Variants in PTBP3 observed in about 807,000 individuals in gnomAD.
PTBP3 encodes the protein polypyrimidine tract-binding protein 3.
Under a neutral mutation model 58.7 loss-of-function variants are expected in PTBP3, and 20 were observed. The observed-to-expected ratio is 0.34, with a 90% CI of 0.24 to 0.50. PTBP3 has a LOEUF of 0.50. PTBP3 is among the 20% of genes least tolerant of loss of function. PTBP3 has a pLI of 0.98. For synonymous variants in PTBP3, 185 were observed against 219.8 expected, an observed-to-expected ratio of 0.84 and a Z score of 1.40; for missense variants, 509 against 637.2, an observed-to-expected ratio of 0.80 and a Z score of 2.17.
chr9:112,275,799 C>CTGATT (rs1181970684), intron 3 of PTBP3, 45 bp downstream of exon 3: 1 of 1,478,696 alleles, frequency 6.8e-7, no homozygotes, highest in Non-Finnish European at 9.3e-7. Flanking sequence ...GTAATACTAA[C>CTGATT]ATCTGGAGAT....
chr9:112,291,026 A>C (rs1398151830), intron 2 of PTBP3, among the ~76,000 whole-genome samples: 1 of 152,152 alleles, frequency 6.6e-6, no homozygotes, highest in African/African-American at 2.4e-5. Context: ...GTTTGAGACC[A>C]GCCTGGCCAA....
intron 2 of PTBP3, among the ~76,000 whole-genome samples, chr9:112,292,466 T>G (rs1265763716): frequency 6.6e-6 from 1 of 152,188 alleles, no homozygotes; most frequent in Non-Finnish European, 1.5e-5. Context: ...CAAAGAGATA[T>G]CTGCACACCA....
intron 1 of PTBP3, among the ~76,000 whole-genome samples, chr9:112,319,130 G>GAAAAAA (rs1436224750): frequency 3.4e-5 from 1 of 29,460 alleles, no homozygotes; most frequent in African/African-American, 9.1e-5. Context: ...TCCGTCTCAA[G>GAAAAAA]AAAAAAAAAA....
rs557387546 is a variant in PTBP3 at position 112,233,999 on chromosome 9, A to G, written c.880+821T>C. 1.5e-3 allele frequency among the ~76,000 whole-genome samples: 234 copies of G among 152,260 alleles called. 1 individual carries two copies. Among genetic ancestry groups the G allele is most frequent in the African/African-American group, 5.5e-3 (228 of 41,556 alleles). Reference sequence around the variant, plus strand: ...TCCCAGAATTCAAAGGTTAGAATATAAAGATTACTGCCAGAAAGCAGCTAT... The same window carrying G: ...TCCCAGAATTCAAAGGTTAGAATATGAAGATTACTGCCAGAAAGCAGCTAT... On this transcript the variant is annotated intron_variant, in intron 8 of 13. Transcript: ENST00000374257.
intron 4 of PTBP3, among the ~76,000 whole-genome samples, chr9:112,263,994 G>A (rs1364745598): frequency 6.6e-6 from 1 of 151,578 alleles, no homozygotes; most frequent in East Asian, 1.9e-4. Context: ...AAAAAAAAAA[G>A]TGTGTCTGAT....
intron 1 of PTBP3, chr9:112,298,457 G>C (rs1589885189): frequency 2.4e-6 from 1 of 419,936 alleles, no homozygotes; most frequent in East Asian, 6.5e-5. Context: ...TCAGGTAAGA[G>C]TTTTGATCAA....
At chr9:112,367,887 C>A in the PTBP3 span, among the ~76,000 whole-genome samples, 3 of 152,058 alleles carry the variant, frequency 2.0e-5, no homozygotes. Flanking sequence ...TTTTCTGCCC[C>A]CTTCTCTTTC....
At position 112,325,331 on chromosome 9, in the gene PTBP3, C is replaced by A. The variant is rs545867307; in HGVS notation, c.-52+8139G>T. ...CTCAGACTAAGGGCCCGTCTGCACA[C>A]TGGGGGAAGGGGGTGGAGCCACCAG... On this transcript the variant is annotated intron_variant, in intron 1 of 13. Coordinates refer to ENST00000374257, the MANE Select transcript of PTBP3 (RefSeq NM_001163788.4). 3.1e-3 allele frequency among the ~76,000 whole-genome samples: 472 copies of A among 152,182 alleles called. 2 individuals are homozygous for A. The highest frequency in any genetic ancestry group is 5.1e-3 in the Non-Finnish European group (345 of 68,006).
At chr9:112,359,316 G>A in the PTBP3 span, among the ~76,000 whole-genome samples, 3 of 151,656 alleles carry the variant, frequency 2.0e-5, no homozygotes, top group African/African-American at 4.8e-5. Context: ...GTATGATGGC[G>A]GGAACCTGCA....
the PTBP3 span, among the ~76,000 whole-genome samples, chr9:112,346,203 T>C: frequency 2.0e-5 from 3 of 152,156 alleles, no homozygotes; most frequent in Non-Finnish European, 4.4e-5. Flanking sequence ...AGTCTTGCTC[T>C]GTGGCCCAGG....
intron 1 of PTBP3, among the ~76,000 whole-genome samples, chr9:112,318,565 G>A (rs1437786990): frequency 6.6e-6 from 1 of 151,992 alleles, no homozygotes; most frequent in Non-Finnish European, 1.5e-5. Flanking sequence ...TTCAAGACCA[G>A]CTTGGCCAAT....
intron 3 of PTBP3, among the ~76,000 whole-genome samples, chr9:112,270,442 G>A (rs572833535): frequency 6.6e-6 from 1 of 152,256 alleles, no homozygotes; most frequent in Admixed American, 6.5e-5. Flanking sequence ...CCAGAAAAGA[G>A]TGCTATTTGG....
At chr9:112,256,866 T>C (rs368443977) in intron 5 of PTBP3, among the ~76,000 whole-genome samples, 1 of 134,098 alleles carries the variant, frequency 7.5e-6, no homozygotes, top group Non-Finnish European at 1.6e-5. Flanking sequence ...GCTTTCATTT[T>C]TTCTTTTTAA....
intron 1 of PTBP3, among the ~76,000 whole-genome samples, chr9:112,317,282 C>T (rs1564459104): frequency 6.6e-6 from 1 of 151,514 alleles, no homozygotes; most frequent in Non-Finnish European, 1.5e-5. Context: ...ATTAGTGAGG[C>T]ACAATGGTAC....
At chr9:112,228,940 C>T (rs3908938) in intron 10 of PTBP3, among the ~76,000 whole-genome samples, 5 of 151,948 alleles carry the variant, frequency 3.3e-5, no homozygotes, top group Non-Finnish European at 5.9e-5. Context: ...ATTTCACACT[C>T]GGACAATCAG....
intron 1 of PTBP3, among the ~76,000 whole-genome samples, chr9:112,309,892 G>T (rs186089739): frequency 8.9e-4 from 135 of 152,262 alleles, no homozygotes; most frequent in African/African-American, 3.1e-3. Flanking sequence ...AACTCCAAGG[G>T]TTTTGTTTTG....
the PTBP3 span, among the ~76,000 whole-genome samples, chr9:112,370,902 A>G: frequency 6.6e-6 from 1 of 152,056 alleles, no homozygotes; most frequent in Non-Finnish European, 1.5e-5. Flanking sequence ...AATGAAATTT[A>G]TTAATTTCCT....
chr9:112,227,656 T>C (rs573590916), intron 11 of PTBP3, 29 bp from the exon 12 acceptor site: 1 of 1,546,738 alleles, frequency 6.5e-7, no homozygotes, highest in Non-Finnish European at 8.9e-7. Context: ...ATTTTAAAGT[T>C]TGAGTATTAG....
the PTBP3 span, among the ~76,000 whole-genome samples, chr9:112,350,490 T>C: frequency 1.3e-5 from 2 of 152,196 alleles, no homozygotes; most frequent in Admixed American, 1.3e-4. Context: ...TTAACATTAG[T>C]AGAGTACATT....
Sources: allele counts gnomAD v4.1 joint callset (sites outside exome capture counted in the v4.1 genomes callset), GRCh38; gene constraint gnomAD v4.1.1; transcripts MANE v1.5; gene names NCBI Gene and HGNC (gene_info 2026-07-23, HGNC 2026-07-21).